Variants in AMZ1 observed in about 807,000 individuals in gnomAD.
AMZ1 encodes the protein archaemetzincin-1.
Under a neutral mutation model 29.9 loss-of-function variants are expected in AMZ1, and 39 were observed. The ratio of observed to expected loss-of-function variants is 1.30; its 90% CI spans 1.01 to 1.70. The LOEUF (loss-of-function observed/expected upper bound fraction) is 1.70, where lower values mean the gene tolerates loss of function less well. Ranked by LOEUF, AMZ1 falls within the 40% of genes most tolerant of loss-of-function variation. AMZ1 has a pLI of 0.00. For synonymous variants in AMZ1, 458 were observed against 304.0 expected, an observed-to-expected ratio of 1.51 and a Z score of -5.27; for missense variants, 1,041 against 680.6, an observed-to-expected ratio of 1.53 and a Z score of -5.89.
chr7:2,700,906 T>C, intron 2 of AMZ1, 151 bp downstream of exon 2: 1 of 1,142,732 alleles, frequency 8.8e-7, no homozygotes, highest in South Asian at 1.6e-5. Flanking sequence ...GGCAGGGAGG[T>C]CCTGGCTGGG....
At chr7:2,708,491 C>CAGGCAGAGGA in intron 3 of AMZ1, 97 bp from the exon 4 acceptor site, 1 of 1,553,484 alleles carries the variant, frequency 6.4e-7, no homozygotes, top group Non-Finnish European at 8.7e-7. Context: ...GGGCAGGGCC[C>CAGGCAGAGGA]AGGCAGAGGA....
intron 1 of AMZ1, among the ~76,000 whole-genome samples, chr7:2,698,029 ATTTAT>A (rs1787842372): frequency 1.3e-5 from 2 of 152,216 alleles, no homozygotes; most frequent in Admixed American, 1.3e-4. Context: ...CATATATCAA[ATTTAT>A]TTATGTATTC....
chr7:2,709,394 G>T, intron 5 of AMZ1, 150 bp downstream of exon 5: 1 of 1,050,994 alleles, frequency 9.5e-7, no homozygotes, highest in Non-Finnish European at 1.3e-6. Flanking sequence ...ACACAGCTAT[G>T]AAGCAGCAGG....
chr7:2,730,513 G>C (rs1344156434), intron 4 of AMZ1: 2 of 152,464 alleles, frequency 1.3e-5, no homozygotes, highest in African/African-American at 4.8e-5. Flanking sequence ...CCCGTCCTCA[G>C]AGCTGGGAAG....
In AMZ1 at chr7:2,712,342, T is replaced by C. The variant is rs756099596; in HGVS notation, c.961T>C (p.Trp321Arg). 3 of 1,589,992 alleles carry C rather than the reference T, an allele frequency of 1.9e-6. No homozygotes were observed. Among genetic ancestry groups the C allele is most frequent in the South Asian group, 1.2e-5 (1 of 86,952 alleles). ...LIERYQRLYTWTQAVVGTWPS... is the reference protein window; with the variant it reads ...LIERYQRLYTRTQAVVGTWPS... ...TTCTCCCTCTTAGAGACTCTACACC[T>C]GGACTCAGGCGGTGGTGGGGACGTG... is the stretch of plus-strand genomic sequence containing the variant. The change falls in exon 7 of 7, where the codon TGG becomes CGG. Residue 321 changes from tryptophan to arginine, a missense_variant. Transcript: ENST00000683327.
chr7:2,746,684 G>T (rs1257767704), intron 4 of AMZ1, among the ~76,000 whole-genome samples: 1 of 152,100 alleles, frequency 6.6e-6, no homozygotes, highest in Non-Finnish European at 1.5e-5. Flanking sequence ...AGAACTGAAG[G>T]AAATAGAGAC....
In AMZ1 at chr7:2,748,570, T is replaced by C. The variant is rs1228131783; in HGVS notation, n.551-16142T>C. Reference sequence around the variant, plus strand: ...ACCATAAAAACCCTAGAAGAAAACCTAGGCAATACCATTCAGGACATAGGC... The same window carrying C: ...ACCATAAAAACCCTAGAAGAAAACCCAGGCAATACCATTCAGGACATAGGC... On this transcript the variant is annotated intron_variant and non_coding_transcript_variant, in intron 4 of 4. Transcript: ENST00000489665. 9.5e-3 allele frequency among the ~76,000 whole-genome samples: 1,441 copies of C among 152,112 alleles called. 16 individuals carry two copies. Among genetic ancestry groups the C allele is most frequent in the African/African-American group, 0.033 (1,349 of 41,492 alleles).
At position 2,746,444 on chromosome 7, in the gene AMZ1, G is replaced by T. The variant is rs568521190; in HGVS notation, n.551-18268G>T. On this transcript the variant is annotated intron_variant and non_coding_transcript_variant, in intron 4 of 4. Transcript: ENST00000489665. ...CTGGGTACATAATGAAATGAAGGCA[G>T]AAATAAAGATGTTCTTTGAAACCAA... Among the ~76,000 whole-genome samples the T allele has an allele frequency of 9.4e-3, 1,430 of 152,258 alleles. 19 individuals carry two copies. Among genetic ancestry groups the T allele is most frequent in the African/African-American group, 0.033 (1,359 of 41,520 alleles).
At chr7:2,740,688 GC>G (rs1363408724) in intron 4 of AMZ1, among the ~76,000 whole-genome samples, 1 of 152,128 alleles carries the variant, frequency 6.6e-6, no homozygotes, top group African/African-American at 2.4e-5. Flanking sequence ...TATCTGTTGG[GC>G]TCATTCTTAA....
rs1788883513 is a variant in AMZ1 at position 2,712,802 on chromosome 7, T to G, written c.1421T>G (p.Leu474Arg). The change falls in exon 7 of 7, where the codon CTG (leucine) becomes CGG (arginine). Residue 474 changes from leucine to arginine, a missense_variant. Coordinates refer to ENST00000683327, the MANE Select transcript of AMZ1 (RefSeq NM_001384743.1). The stretch of plus-strand genomic sequence containing the variant: ...GTGCTGGGGGACAAGTTCTCCTCCC[T>G]GAGGAGGAAGCTGAGTGCCCGAAAA... ...RKVLGDKFSSLRRKLSARKLA... is the reference protein window; with the variant it reads ...RKVLGDKFSSRRRKLSARKLA... 3 of 1,547,262 alleles carry G rather than the reference T, an allele frequency of 1.9e-6. No homozygotes were observed. Among genetic ancestry groups the G allele is most frequent in the Non-Finnish European group, 2.6e-6 (3 of 1,145,574 alleles).
chr7:2,732,303 G>C (rs1789936710), intron 4 of AMZ1, among the ~76,000 whole-genome samples: 2 of 152,104 alleles, frequency 1.3e-5, no homozygotes, highest in South Asian at 2.1e-4. Flanking sequence ...TATAATCCTG[G>C]TGCTTTGGGA....
At position 2,702,817 on chromosome 7, in the gene AMZ1, T is replaced by C; in HGVS notation, c.400T>C (p.Ser134Pro). 6.4e-7 allele frequency: 1 copy of C among 1,557,178 alleles called. No homozygotes were observed. The highest frequency in any genetic ancestry group is 8.7e-7 in the Non-Finnish European group (1 of 1,155,472). ...GGGCCTGCGCGTCAAGTGCCTGCCG[T>C]CGGTGGCAGCCGCGTCCATCCGCTG... ...FLGLRVKCLPSVAAASIRCSS... is the reference protein window; with the variant it reads ...FLGLRVKCLPPVAAASIRCSS... The change falls in exon 3 of 7, where the codon TCG (serine) becomes CCG (proline). Residue 134 changes from serine to proline, a missense_variant. Coordinates refer to ENST00000683327, the MANE Select transcript of AMZ1 (RefSeq NM_001384743.1).
chr7:2,756,181 A>G (rs370562069), intron 4 of AMZ1, among the ~76,000 whole-genome samples: 1 of 152,222 alleles, frequency 6.6e-6, no homozygotes, highest in African/African-American at 2.4e-5. Context: ...AAAATTGACA[A>G]GGCAACTCAA....
chr7:2,688,990 C>T (rs1279506659), intron 1 of AMZ1, among the ~76,000 whole-genome samples: 1 of 152,198 alleles, frequency 6.6e-6, no homozygotes. Flanking sequence ...TTGGGGTTCG[C>T]AGGTGAGGAG....
At chr7:2,683,419 TTTTGTTTG>T (rs199500144), upstream of AMZ1, among the ~76,000 whole-genome samples, 1 of 151,868 alleles carries the variant, frequency 6.6e-6, no homozygotes, top group Non-Finnish European at 1.5e-5. Context: ...CTTTCTGTTT[TTTTGTTTG>T]TTTGTTTGTT....
chr7:2,718,245 C>T lies in AMZ1; in HGVS notation c.*5367C>T, dbSNP rs1789243556. ...TGGGGCTCCTCTGATGCCGAGAGCT[C>T]TGGCTCTCCTGACTGTGGGCCCAGT... On this transcript the variant is annotated 3_prime_UTR_variant, in exon 7 of 7. Coordinates refer to ENST00000683327, the MANE Select transcript of AMZ1 (RefSeq NM_001384743.1). Among the ~76,000 whole-genome samples, 1 of 152,244 alleles carries T rather than the reference C, an allele frequency of 6.6e-6. No individual in the cohort carries two copies. Among genetic ancestry groups the T allele is most frequent in the African/African-American group, 2.4e-5 (1 of 41,470 alleles).
Position 2,714,641 on chromosome 7 carries a change from CCA to C in AMZ1, c.*1766_*1767del, listed in dbSNP as rs1789012851. ...CCCAAAACTTAGTGGCTTAAAATCACCACAGTCTAGCTCATGAATCTGTAACT... is the reference window on the plus strand; with the variant it reads ...CCCAAAACTTAGTGGCTTAAAATCACCAGTCTAGCTCATGAATCTGTAACT... On this transcript the variant is annotated 3_prime_UTR_variant, in exon 7 of 7. Coordinates refer to ENST00000683327, the MANE Select transcript of AMZ1 (RefSeq NM_001384743.1). 6.6e-6 allele frequency: 1 copy of C among 152,216 alleles called. No individual in the cohort carries two copies. The highest frequency in any genetic ancestry group is 2.4e-5 in the African/African-American group (1 of 41,454). The allele number at this position is 152,216 out of a possible 1,614,324, so 9.4% of individuals were successfully genotyped here.
chr7:2,686,798 T>TCCG (rs201597964), upstream of AMZ1, among the ~76,000 whole-genome samples: 1,747 of 151,826 alleles, frequency 0.012, 40 homozygotes, highest in African/African-American at 0.039. Flanking sequence ...CACTGCAACC[T>TCCG]CCGCCTCCCG....
intron 3 of AMZ1, among the ~76,000 whole-genome samples, chr7:2,705,902 C>A (rs1234707593): frequency 6.6e-6 from 1 of 152,250 alleles, no homozygotes; most frequent in African/African-American, 2.4e-5. Flanking sequence ...CCTCACCTCC[C>A]CCACGCCGTA....
Sources: allele counts gnomAD v4.1 joint callset (sites outside exome capture counted in the v4.1 genomes callset), GRCh38; gene constraint gnomAD v4.1.1; transcripts MANE v1.5; gene names NCBI Gene and HGNC (gene_info 2026-07-23, HGNC 2026-07-21).